Variants in CELF2 observed in about 807,000 individuals in gnomAD.
CELF2 encodes CUG triplet repeat RNA-binding protein 2.
CELF2 carries 8 observed loss-of-function variants against 62.6 expected under a neutral mutation model. The observed-to-expected ratio is 0.13, with a 90% CI of 0.07 to 0.23. The LOEUF is 0.23. Among genes scored for constraint, CELF2 ranks in the 10% least tolerant of loss-of-function variants. The pLI, the probability that CELF2 is intolerant of heterozygous loss-of-function variation, is 1.00. For synonymous variants in CELF2, 258 were observed against 250.0 expected (o/e 1.03, Z -0.30); for missense variants, 333 against 671.0 (o/e 0.50, Z 5.56).
In CELF2 at chr10:11,165,199, A is replaced by G; in HGVS notation, c.75-287A>G. The G allele has an allele frequency of 8.0e-7, 1 of 1,254,422 alleles. No homozygotes were observed. The highest frequency in any genetic ancestry group is 4.0e-5 in the Admixed American group (1 of 25,162). The allele number at this position is 1,254,422 out of a possible 1,614,324, so 77.7% of individuals were successfully genotyped here. A position where few individuals can be genotyped will look rare whatever the true frequency, so the allele number is the denominator to read the frequency against. On this transcript the variant is annotated intron_variant, in intron 1 of 12. Coordinates refer to ENST00000633077, the MANE Select transcript of CELF2 (RefSeq NM_001326342.2). The surrounding 1 kb of genome is among the most constrained non-coding windows in gnomAD (Gnocchi z 7.4). Reference sequence around the variant, plus strand: ...GCACTTAACTTGCAGCTGCCTCCCGAGCCTCCAAGATGTCCACGCCCTGGG... The same window carrying G: ...GCACTTAACTTGCAGCTGCCTCCCGGGCCTCCAAGATGTCCACGCCCTGGG...
At chr10:10,486,261 T>C in the CELF2 span, among the ~76,000 whole-genome samples, 1 of 152,230 alleles carries the variant, frequency 6.6e-6, no homozygotes, top group East Asian at 1.9e-4. Flanking sequence ...AACTCCAACC[T>C]TTTCCTTTTC....
At chr10:11,195,224 G>A (rs762808679) in intron 2 of CELF2, among the ~76,000 whole-genome samples, 5 of 152,246 alleles carry the variant, frequency 3.3e-5, no homozygotes, top group Non-Finnish European at 7.4e-5. Context: ...GTCCTCTTGC[G>A]AGACTATCCT....
At chr10:11,256,852 C>T (rs533545002) in intron 4 of CELF2, among the ~76,000 whole-genome samples, 52 of 151,928 alleles carry the variant, frequency 3.4e-4, no homozygotes, top group Non-Finnish European at 7.2e-4. Context: ...TGTCAGGTGC[C>T]CAGGTTAGAA....
At chr10:10,883,628 G>A (rs2061572586) in intron 1 of CELF2, among the ~76,000 whole-genome samples, 1 of 152,134 alleles carries the variant, frequency 6.6e-6, no homozygotes, top group Non-Finnish European at 1.5e-5. Flanking sequence ...AAGGGGACAG[G>A]ATCCATGGCC....
intron 1 of CELF2, among the ~76,000 whole-genome samples, chr10:10,809,243 A>G (rs1042902427): frequency 6.6e-6 from 1 of 152,102 alleles, no homozygotes; most frequent in Non-Finnish European, 1.5e-5. Context: ...AGGGCACAGC[A>G]AGAAGGTGCT....
intron 1 of CELF2, among the ~76,000 whole-genome samples, chr10:10,848,709 G>T (rs188986342): frequency 5.3e-5 from 8 of 152,224 alleles, no homozygotes; most frequent in African/African-American, 1.7e-4. Flanking sequence ...CTAGGCCAGC[G>T]TGGGAGATGG....
chr10:10,698,976 T>TA, the CELF2 span, among the ~76,000 whole-genome samples: 2 of 151,970 alleles, frequency 1.3e-5, no homozygotes, highest in African/African-American at 2.4e-5. Flanking sequence ...ATAATTATAT[T>TA]ATATAACATA....
Position 11,197,098 on chromosome 10 carries a change from G to T in CELF2, c.272-20327G>T, listed in dbSNP as rs1401258487. Among the ~76,000 whole-genome samples the T allele has an allele frequency of 5.0e-5, 7 of 139,680 alleles. No individual in the cohort carries two copies. The South Asian group carries it at 7.9e-4, about 16-fold the overall frequency. 91.6% of individuals were successfully genotyped at this position (139,680 alleles called of 152,430 possible). On this transcript the variant is annotated intron_variant, in intron 2 of 12. Transcript: ENST00000633077. ...AAGAAAGAAAGAAGAAAGAAAGAAGGGTTCCCATTGTTCTCGCATTCATTG... is the reference window on the plus strand; with the variant it reads ...AAGAAAGAAAGAAGAAAGAAAGAAGTGTTCCCATTGTTCTCGCATTCATTG...
At chr10:10,662,015 G>A in the CELF2 span, among the ~76,000 whole-genome samples, 344 of 152,192 alleles carry the variant, frequency 2.3e-3, 2 homozygotes, top group African/African-American at 8.0e-3. Context: ...CCTCTGGGAT[G>A]AGGAGGCTCC....
rs766498667 is a variant in CELF2, at chr10:11,288,589, C to T, written c.976+37C>T. 4 of 1,609,006 alleles carry T rather than the reference C, an allele frequency of 2.5e-6. No homozygotes were observed. The South Asian group carries it at 3.3e-5, about 13-fold the overall frequency. Reference sequence around the variant, plus strand: ...GGGTGCTCTTCCCTTGCAGGTGATGCAGCAGGAGTGGCAGGTAGGTTTCCG... The same window carrying T: ...GGGTGCTCTTCCCTTGCAGGTGATGTAGCAGGAGTGGCAGGTAGGTTTCCG... On this transcript the variant is annotated intron_variant, in intron 9 of 12. Transcript: ENST00000633077.
In CELF2 at chr10:10,938,455, C is replaced by T. The variant is rs943731642; in HGVS notation, c.89+18456C>T. Among the ~76,000 whole-genome samples the T allele has an allele frequency of 4.6e-5, 7 of 152,142 alleles. No individual in the cohort carries two copies. Among genetic ancestry groups the T allele is most frequent in the Admixed American group, 2.6e-4 (4 of 15,286 alleles). On this transcript the variant is annotated intron_variant, in intron 2 of 13. Coordinates refer to the CELF2 transcript ENST00000636488. This position sits in a 1 kb window ranked among gnomAD's most constrained non-coding sequence, Gnocchi z 4.2. ...CTGGGTTTTTGTGTCCTTCAAATTT[C>T]GTTTGAATGAACATTTTATGGATTT...
intron 1 of CELF2, among the ~76,000 whole-genome samples, chr10:10,833,119 A>C (rs1298555239): frequency 1.3e-5 from 2 of 152,070 alleles, no homozygotes; most frequent in Non-Finnish European, 2.9e-5. Flanking sequence ...CTTACCTTTC[A>C]TACTTTTGAG....
chr10:10,544,623 A>G, the CELF2 span, among the ~76,000 whole-genome samples: 6 of 152,370 alleles, frequency 3.9e-5, no homozygotes, highest in African/African-American at 1.4e-4. Flanking sequence ...TGGATATAAG[A>G]AAAAGTGAGT....
the CELF2 span, among the ~76,000 whole-genome samples, chr10:10,596,312 C>T: frequency 1.3e-5 from 2 of 151,618 alleles, no homozygotes; most frequent in East Asian, 3.9e-4. Flanking sequence ...TTATAATGTT[C>T]GCTTTGAAAA....
chr10:11,065,605 C>T (rs776513153), intron 1 of CELF2, among the ~76,000 whole-genome samples: 3 of 151,916 alleles, frequency 2.0e-5, no homozygotes, highest in Non-Finnish European at 2.9e-5. Flanking sequence ...CTCTTTGAAC[C>T]AATAGGGAAA....
At position 11,246,256 on chromosome 10, in the gene CELF2, C is replaced by A. The variant is rs2075571635; in HGVS notation, c.355-2897C>A. ...GCCATGTTCATTTCATTTTTGTGTC[C>A]CAGGCATAATGTAGGTGCGCTCACC... On this transcript the variant is annotated intron_variant, in intron 3 of 12. Transcript: ENST00000633077. This position sits in a 1 kb window ranked among gnomAD's most constrained non-coding sequence, Gnocchi z 4.6. 6.6e-6 allele frequency among the ~76,000 whole-genome samples: 1 copy of A among 152,016 alleles called. No homozygotes were observed. Among genetic ancestry groups the A allele is most frequent in the Admixed American group, 6.6e-5 (1 of 15,266 alleles).
chr10:11,284,083 TGGAG>T (rs2090150916), intron 8 of CELF2, among the ~76,000 whole-genome samples: 2 of 105,474 alleles, frequency 1.9e-5, no homozygotes, highest in South Asian at 3.5e-4. Context: ...GGATGATGGA[TGGAG>T]GAGTGGGTGG....
chr10:10,831,371 GCCCTTC>G (rs1169138522), intron 1 of CELF2, among the ~76,000 whole-genome samples: 1 of 152,202 alleles, frequency 6.6e-6, no homozygotes, highest in African/African-American at 2.4e-5. Context: ...AAGCCACGCT[GCCCTTC>G]CTACATCAGG....
intron 2 of CELF2, among the ~76,000 whole-genome samples, chr10:10,968,245 G>T (rs916388229): frequency 6.6e-6 from 1 of 152,078 alleles, no homozygotes; most frequent in Non-Finnish European, 1.5e-5. Flanking sequence ...TTGCCAAAAT[G>T]TTTATTGTTT....
Sources: allele counts gnomAD v4.1 joint callset (sites outside exome capture counted in the v4.1 genomes callset), GRCh38; gene constraint gnomAD v4.1.1; non-coding constraint Gnocchi (gnomAD v3.1); transcripts MANE v1.5; gene names NCBI Gene and HGNC (gene_info 2026-07-23, HGNC 2026-07-21).